Variants in IGFN1 observed in about 807,000 individuals in gnomAD.
IGFN1 encodes immunoglobulin-like and fibronectin type III domain-containing protein 1.
In IGFN1, 253 loss-of-function variants were observed where a neutral mutation model predicts 289.5. That is an observed-to-expected ratio of 0.87 (90% CI 0.79 to 0.97). The LOEUF (loss-of-function observed/expected upper bound fraction) is 0.97, where lower values mean the gene tolerates loss of function less well. IGFN1 is among the 50% of genes least tolerant of loss of function. The probability of loss-of-function intolerance (pLI) is 0.00; values close to 1 mark genes in which losing one functional copy is unlikely to be tolerated. For missense variants in IGFN1, 4,470 were observed against 4,686.1 expected (o/e 0.95, Z 1.35); for synonymous variants, 1,706 against 1,788.5 (o/e 0.95, Z 1.16).
In IGFN1 at chr1:201,203,925, C is replaced by T. The variant is rs368364059; in HGVS notation, c.916+19C>T. 6.7e-5 allele frequency: 103 copies of T among 1,540,100 alleles called. No individual in the cohort carries two copies. Among genetic ancestry groups the T allele is most frequent in the East Asian group, 1.7e-4 (7 of 40,502 alleles). ...GCCAGTGGTGAGTGGTCTACACTGC[C>T]GAAGTTGGAGTTGGGGAGATATGTT... On this transcript the variant is annotated intron_variant, in intron 10 of 23. Transcript: ENST00000335211.
chr1:201,225,794 C>T (rs376560577), intron 21 of IGFN1, 30 bp from the exon 22 acceptor site: 26 of 1,582,642 alleles, frequency 1.6e-5, no homozygotes, highest in African/African-American at 8.1e-5. Flanking sequence ...GTCCCCTCCA[C>T]GTGACCTCCC....
Position 201,213,518 on chromosome 1 carries a change from C to T in IGFN1, c.8625C>T (p.Gly2875=), listed in dbSNP as rs761961394. Reference sequence around the variant, plus strand: ...GTCACCTTGGTAGCAGGAGAAGTGGCAAAGACGGCAGGTTGGACATCTATG... The same window carrying T: ...GTCACCTTGGTAGCAGGAGAAGTGGTAAAGACGGCAGGTTGGACATCTATG... ...PPGHLGSRRS[G]KDGRLDIYGE... The change falls in exon 12 of 24, where the codon GGC becomes GGT. Residue 2875 remains glycine (G), a synonymous_variant. Transcript: ENST00000335211. 2.5e-6 allele frequency: 4 copies of T among 1,614,038 alleles called. No homozygotes were observed. The South Asian group carries it at 3.3e-5, about 13-fold the overall frequency.
intron 4 of IGFN1, among the ~76,000 whole-genome samples, chr1:201,196,416 T>C (rs2102318492): frequency 6.6e-6 from 1 of 152,332 alleles, no homozygotes. Context: ...GTGATCTTGG[T>C]TCTCTGCAAC....
chr1:201,206,497 TCC>T lies in IGFN1; in HGVS notation c.1606_1607del (p.Pro536ArgfsTer14). ...GAGAGCTCAGAATCAGGGTTGGGCC[TCC>T]CAGAAAAACAACAGCAAGATCGTGG... On this transcript the variant is annotated frameshift_variant, in exon 12 of 24. Coordinates refer to ENST00000335211, the MANE Select transcript of IGFN1 (RefSeq NM_001164586.2). LOFTEE classifies it high-confidence loss of function. 1.9e-6 allele frequency: 3 copies of T among 1,551,188 alleles called. No individual in the cohort carries two copies. The highest frequency in any genetic ancestry group is 2.6e-6 in the Non-Finnish European group (3 of 1,146,952).
In IGFN1 at chr1:201,208,755, T is replaced by C. The variant is rs1273997461; in HGVS notation, c.3862T>C (p.Tyr1288His). ...GEMGSVDKEG[Y>H]KKDLGAPENM... Reference sequence around the variant, plus strand: ...AATGGGGTCAGTGGATAAGGAAGGTTATAAGAAAGATTTGGGGGCTCCTGA... The same window carrying C: ...AATGGGGTCAGTGGATAAGGAAGGTCATAAGAAAGATTTGGGGGCTCCTGA... Residue 1288 changes from tyrosine to histidine, a missense_variant, in exon 12 of 24, where the codon TAT (tyrosine) becomes CAT (histidine). Physicochemically the swap from Tyr to His is moderately conservative, Grantham distance 83 (BLOSUM62 2). Coordinates refer to ENST00000335211, the MANE Select transcript of IGFN1 (RefSeq NM_001164586.2). 1 of 1,536,642 alleles carries C rather than the reference T, an allele frequency of 6.5e-7. No individual in the cohort carries two copies. Among genetic ancestry groups the C allele is most frequent in the East Asian group, 2.4e-5 (1 of 40,902 alleles).
intron 17 of IGFN1, among the ~76,000 whole-genome samples, chr1:201,217,905 TA>T (rs5780059): frequency 0.16 from 23,983 of 152,186 alleles, 1,842 homozygotes; most frequent in East Asian, 0.22. Context: ...TCCACATCCA[TA>T]AAGTGGAGAG....
chr1:201,211,417 A>T lies in IGFN1; in HGVS notation c.6524A>T (p.Glu2175Val). 6.7e-7 allele frequency: 1 copy of T among 1,500,440 alleles called. No homozygotes were observed. Among genetic ancestry groups the T allele is most frequent in the Non-Finnish European group, 8.9e-7 (1 of 1,125,460 alleles). The allele number at this position is 1,500,440 out of a possible 1,614,324, so 92.9% of individuals were successfully genotyped here. A position where few individuals can be genotyped will look rare whatever the true frequency, so the allele number is the denominator to read the frequency against. ...TCTGGGGAAATGGGGTCAATGGATGAGGCAGGTTATAGGAAGGATTTGGGA... is the reference window on the plus strand; with the variant it reads ...TCTGGGGAAATGGGGTCAATGGATGTGGCAGGTTATAGGAAGGATTTGGGA... ...GSSGEMGSMD[E>V]AGYRKDLGAP... Residue 2175 changes from glutamate to valine, a missense_variant, in exon 12 of 24, where the codon GAG (glutamate) becomes GTG (valine). This residue lies in a region of IGFN1 where 2,218 missense variants were observed against 2,114.1 expected (regional missense o/e 1.05). Coordinates refer to ENST00000335211, the MANE Select transcript of IGFN1 (RefSeq NM_001164586.2).
At chr1:201,221,773 C>A in intron 19 of IGFN1, 27 bp downstream of exon 19, 1 of 1,548,530 alleles carries the variant, frequency 6.5e-7, no homozygotes, top group Non-Finnish European at 8.7e-7. Flanking sequence ...TCCCCGACCC[C>A]TGAGCCCTGC....
In IGFN1 at chr1:201,209,914, A is replaced by G. The variant is rs767777792; in HGVS notation, c.5021A>G (p.Tyr1674Cys). ...GEMGSMDEAG[Y>C]RKNLGAPEGI... is the part of the protein sequence containing the mutation. ...ATGGGGTCAATGGATGAGGCAGGTT[A>G]TAGGAAGAATTTGGGGGCTCCTGAG... Residue 1674 changes from tyrosine to cysteine, a missense_variant, in exon 12 of 24, where the codon TAT becomes TGT. Physicochemically the swap from Tyr to Cys is radical, Grantham distance 194. Transcript: ENST00000335211. 2.7e-6 allele frequency: 4 copies of G among 1,464,298 alleles called. No individual in the cohort carries two copies. The South Asian group carries it at 3.7e-5, about 14-fold the overall frequency. 90.7% of individuals were successfully genotyped at this position (1,464,298 alleles called of 1,614,324 possible).
Position 201,200,398 on chromosome 1 carries a change from A to G in IGFN1, c.620A>G (p.Asp207Gly). 6.4e-7 allele frequency: 1 copy of G among 1,551,550 alleles called. No individual in the cohort carries two copies. Among genetic ancestry groups the G allele is most frequent in the Non-Finnish European group, 8.7e-7 (1 of 1,146,926 alleles). ...RLQEMKKEQE[D>G]KMAQYINTIS... is the part of the protein sequence containing the mutation. ...CAGGAGATGAAGAAGGAACAGGAGGACAAGATGGCACAGGTGCCTCACCCC... is the reference window on the plus strand; with the variant it reads ...CAGGAGATGAAGAAGGAACAGGAGGGCAAGATGGCACAGGTGCCTCACCCC... Residue 207 changes from aspartate to glycine, a missense_variant, in exon 8 of 24, where the codon GAC (aspartate) becomes GGC (glycine). Physicochemically the swap from Asp to Gly is moderately conservative, Grantham distance 94. This residue lies in a region of IGFN1 where 2,011 missense variants were observed against 1,953.4 expected (regional missense o/e 1.03). Transcript: ENST00000335211.
chr1:201,205,073 C>T lies in IGFN1; in HGVS notation c.917-9C>T. The T allele has an allele frequency of 2.0e-6, 3 of 1,534,058 alleles. No individual in the cohort carries two copies. Among genetic ancestry groups the T allele is most frequent in the Non-Finnish European group, 2.6e-6 (3 of 1,135,122 alleles). ...CAAGCTGATATCCCCATTCCTATTT[C>T]CCCGGCAGCCATCCCCCCAAGAGTG... is the stretch of plus-strand genomic sequence containing the variant. On this transcript the variant is annotated splice_polypyrimidine_tract_variant and intron_variant, in intron 10 of 23. Transcript: ENST00000335211.
At position 201,209,409 on chromosome 1, in the gene IGFN1, G is replaced by A; in HGVS notation, c.4516G>A (p.Gly1506Ser). 1.3e-6 allele frequency: 2 copies of A among 1,527,606 alleles called. No homozygotes were observed. Among genetic ancestry groups the A allele is most frequent in the Non-Finnish European group, 1.8e-6 (2 of 1,142,290 alleles). The allele number at this position is 1,527,606 out of a possible 1,614,324, so 94.6% of individuals were successfully genotyped here. A position where few individuals can be genotyped will look rare whatever the true frequency, so the allele number is the denominator to read the frequency against. ...RKDLGVSEGG[G>S]SGSKAGYRGG... ...AGATTTGGGGGTTTCTGAGGGAGGGGGTTCAGGGAGCAAAGCAGGTTATAG... is the reference window on the plus strand; with the variant it reads ...AGATTTGGGGGTTTCTGAGGGAGGGAGTTCAGGGAGCAAAGCAGGTTATAG... The change falls in exon 12 of 24, where the codon GGT becomes AGT. Residue 1506 changes from glycine to serine, a missense_variant. Physicochemically the swap from Gly to Ser is moderately conservative, Grantham distance 56. This residue lies in a region of IGFN1 where 2,011 missense variants were observed against 1,953.4 expected (regional missense o/e 1.03). Coordinates refer to ENST00000335211, the MANE Select transcript of IGFN1 (RefSeq NM_001164586.2).
rs1654292285 is a variant in IGFN1 at position 201,228,921 on chromosome 1, T to C, written c.*522T>C. ...GGTGCAGCAAGTGCTTTCTATGCGTTTCTTCATTAAAACATTAGGCTAATA... is the reference window on the plus strand; with the variant it reads ...GGTGCAGCAAGTGCTTTCTATGCGTCTCTTCATTAAAACATTAGGCTAATA... On this transcript the variant is annotated 3_prime_UTR_variant, in exon 24 of 24. Coordinates refer to ENST00000335211, the MANE Select transcript of IGFN1 (RefSeq NM_001164586.2). The C allele has an allele frequency of 6.4e-6, 1 of 155,402 alleles. No homozygotes were observed. The highest frequency in any genetic ancestry group is 1.4e-5 in the Non-Finnish European group (1 of 70,288). 9.6% of individuals were successfully genotyped at this position (155,402 alleles called of 1,614,324 possible). A position where few individuals can be genotyped will look rare whatever the true frequency, so the allele number is the denominator to read the frequency against.
chr1:201,223,534 C>T (rs1395654501), intron 20 of IGFN1, among the ~76,000 whole-genome samples: 1 of 152,092 alleles, frequency 6.6e-6, no homozygotes, highest in Non-Finnish European at 1.5e-5. Flanking sequence ...TCACGCCCGG[C>T]TAATTTTTGT....
Position 201,205,372 on chromosome 1 carries a change from CTG to C in IGFN1, c.1189+20_1189+21del. 6.6e-7 allele frequency: 1 copy of C among 1,508,350 alleles called. No homozygotes were observed. Among genetic ancestry groups the C allele is most frequent in the Non-Finnish European group, 8.9e-7 (1 of 1,121,868 alleles). 93.4% of individuals were successfully genotyped at this position (1,508,350 alleles called of 1,614,324 possible). A position where few individuals can be genotyped will look rare whatever the true frequency, so the allele number is the denominator to read the frequency against. On this transcript the variant is annotated intron_variant, in intron 11 of 23. Coordinates refer to ENST00000335211, the MANE Select transcript of IGFN1 (RefSeq NM_001164586.2). ...GGTTGAAGGTGAGTGCTTCAAAACT[CTG>C]TCTTTCTCTGCCTCCAGGGAAGACC...
chr1:201,221,925 G>A (rs925287950), intron 19 of IGFN1, among the ~76,000 whole-genome samples, 179 bp downstream of exon 19: 1 of 152,198 alleles, frequency 6.6e-6, no homozygotes, highest in African/African-American at 2.4e-5. Context: ...TCTTAGAAAT[G>A]TTTTCTCATT....
intron 21 of IGFN1, 136 bp from the exon 22 acceptor site, chr1:201,225,687 GC>G: frequency 1.5e-6 from 1 of 687,328 alleles, no homozygotes. Flanking sequence ...CGCTGGCCAA[GC>G]TTACTCTGGG....
In IGFN1 at chr1:201,226,159, G is replaced by A. The variant is rs192181647; in HGVS notation, c.10786+36G>A. 3.0e-4 allele frequency: 457 copies of A among 1,538,468 alleles called. 1 individual carries two copies. In the African/African-American group the frequency reaches 5.2e-3, roughly 18 times the overall value. On this transcript the variant is annotated intron_variant, in intron 22 of 23. Coordinates refer to ENST00000335211, the MANE Select transcript of IGFN1 (RefSeq NM_001164586.2). ...CCTGAGAGGGAGGAGCAGGCAGGGT[G>A]GGGGTTGCGCTCTGCAATGCAGTGG... is the stretch of plus-strand genomic sequence containing the variant.
In IGFN1 at chr1:201,217,311, C is replaced by T. The variant is rs755848161; in HGVS notation, c.9620C>T (p.Pro3207Leu). The change falls in exon 17 of 24, where the codon CCA (proline) becomes CTA (leucine). Residue 3207 changes from proline (P) to leucine (L), a missense_variant. Around this residue, in one of 8 missense-constraint regions of IGFN1, gnomAD observed 2,218 missense variants for 2,114.1 expected, o/e 1.05. Coordinates refer to ENST00000335211, the MANE Select transcript of IGFN1 (RefSeq NM_001164586.2). ...GCTCTCCCCAAGGCCCCTTCCGCGC[C>T]AGCCATCCTGTCGGCCTCCAGCCAG... The part of the protein sequence containing the change: ...PEALPKAPSA[P>L]AILSASSQGI... 1 of 1,614,074 alleles carries T rather than the reference C, an allele frequency of 6.2e-7. No homozygotes were observed. Among genetic ancestry groups the T allele is most frequent in the South Asian group, 1.1e-5 (1 of 91,078 alleles).
Sources: allele counts gnomAD v4.1 joint callset (sites outside exome capture counted in the v4.1 genomes callset), GRCh38; gene constraint gnomAD v4.1.1; regional missense constraint gnomAD v4.1.1; transcripts MANE v1.5; gene names NCBI Gene and HGNC (gene_info 2026-07-23, HGNC 2026-07-21).